PLXDC2: variants seen among roughly 807,000 people sequenced by gnomAD.
PLXDC2 encodes the protein plexin domain-containing protein 2.
A neutral mutation model predicts 68.9 loss-of-function variants in PLXDC2; 40 were observed. That is an observed-to-expected ratio of 0.58 (90% CI 0.45 to 0.76). PLXDC2 has a LOEUF of 0.76. Ranked by LOEUF, PLXDC2 falls within the 30% of genes least tolerant of loss-of-function variation. The probability of loss-of-function intolerance (pLI) is 0.00; values close to 1 mark genes in which losing one functional copy is unlikely to be tolerated. For synonymous variants in PLXDC2, 243 were observed against 234.2 expected (o/e 1.04, Z -0.34); for missense variants, 644 against 661.9 (o/e 0.97, Z 0.30).
intron 3 of PLXDC2, among the ~76,000 whole-genome samples, chr10:20,049,684 A>C (rs1179954090): frequency 6.6e-6 from 1 of 152,098 alleles, no homozygotes; most frequent in Middle Eastern, 3.2e-3. Flanking sequence ...TGAGAATTAC[A>C]AAACACTGCT....
intron 12 of PLXDC2, among the ~76,000 whole-genome samples, chr10:20,231,254 T>C (rs998521908): frequency 2.0e-5 from 3 of 149,858 alleles, no homozygotes; most frequent in Non-Finnish European, 3.0e-5. Flanking sequence ...TAAATATATA[T>C]GAATATTGAC....
intron 1 of PLXDC2, among the ~76,000 whole-genome samples, chr10:19,848,412 C>CT (rs1837053512): frequency 6.6e-6 from 1 of 152,118 alleles, no homozygotes; most frequent in African/African-American, 2.4e-5. Flanking sequence ...GAGAGGGACT[C>CT]TATCTGTTGG....
At chr10:19,818,232 G>GTGTGTA (rs1213366418) in intron 1 of PLXDC2, among the ~76,000 whole-genome samples, 17 of 55,998 alleles carry the variant, frequency 3.0e-4, no homozygotes, top group African/African-American at 8.9e-4. Flanking sequence ...TTTCTGGTGT[G>GTGTGTA]TGTGTGTGTG....
intron 2 of PLXDC2, among the ~76,000 whole-genome samples, chr10:20,011,095 A>G (rs1835105984): frequency 6.6e-6 from 1 of 152,182 alleles, no homozygotes; most frequent in Admixed American, 6.5e-5. Flanking sequence ...AGGTCTAAAT[A>G]TTTGTCTAGT....
intron 9 of PLXDC2, among the ~76,000 whole-genome samples, chr10:20,209,574 AT>A (rs1835040549): frequency 6.6e-6 from 1 of 152,010 alleles, no homozygotes; most frequent in African/African-American, 2.4e-5. Context: ...TTTGAAAGAT[AT>A]TTGCTTTTGA....
intron 4 of PLXDC2, among the ~76,000 whole-genome samples, chr10:20,092,357 T>A (rs2131731626): frequency 6.6e-6 from 1 of 152,298 alleles, no homozygotes. Flanking sequence ...CTATTGACTT[T>A]TCAAACTAAG....
chr10:19,910,165 C>CTT, intron 1 of PLXDC2, among the ~76,000 whole-genome samples: 4 of 79,062 alleles, frequency 5.1e-5, no homozygotes, highest in South Asian at 4.1e-4. Flanking sequence ...AAATTGTACA[C>CTT]TTTTATATAT....
At chr10:19,995,023 G>A (rs1005384046) in intron 1 of PLXDC2, among the ~76,000 whole-genome samples, 6 of 152,242 alleles carry the variant, frequency 3.9e-5, no homozygotes, top group African/African-American at 7.2e-5. Context: ...GATTACAGGC[G>A]TGAGCCACAG....
chr10:20,108,424 G>A (rs1482171952), intron 4 of PLXDC2, among the ~76,000 whole-genome samples: 2 of 152,100 alleles, frequency 1.3e-5, no homozygotes, highest in African/African-American at 4.8e-5. Context: ...AAAAATCAAG[G>A]CACAGAAAAC....
intron 10 of PLXDC2, among the ~76,000 whole-genome samples, chr10:20,212,615 T>C (rs778374463): frequency 3.9e-5 from 6 of 152,310 alleles, no homozygotes; most frequent in Non-Finnish European, 8.8e-5. Flanking sequence ...GCCAAAATGC[T>C]GTTTTAAAAA....
chr10:20,043,868 T>G (rs1835729473), intron 2 of PLXDC2, among the ~76,000 whole-genome samples: 1 of 152,120 alleles, frequency 6.6e-6, no homozygotes, highest in Non-Finnish European at 1.5e-5. Flanking sequence ...AAGTGGTGGC[T>G]TTGAAGAAAA....
chr10:20,014,795 G>A (rs1379585660), intron 2 of PLXDC2, among the ~76,000 whole-genome samples: 1 of 152,080 alleles, frequency 6.6e-6, no homozygotes, highest in African/African-American at 2.4e-5. Flanking sequence ...TGTTACTAAA[G>A]AGAGAATGTG....
intron 6 of PLXDC2, among the ~76,000 whole-genome samples, chr10:20,159,522 C>T (rs1294165119): frequency 2.0e-5 from 3 of 152,218 alleles, no homozygotes; most frequent in East Asian, 1.9e-4. Flanking sequence ...GTCTGGCTCC[C>T]GTTGTCCTTC....
intron 1 of PLXDC2, among the ~76,000 whole-genome samples, chr10:19,862,362 T>C (rs1041809250): frequency 6.6e-6 from 1 of 152,318 alleles, no homozygotes; most frequent in Middle Eastern, 3.4e-3. Context: ...GGAGTAACAA[T>C]TTTATGTAGC....
intron 2 of PLXDC2, among the ~76,000 whole-genome samples, chr10:20,012,441 C>T (rs1343525283): frequency 6.7e-6 from 1 of 149,218 alleles, no homozygotes; most frequent in Non-Finnish European, 1.5e-5. Context: ...ACTCAGCCTC[C>T]TGAGGAGCTG....
At chr10:20,087,253 C>T (rs140896808) in intron 4 of PLXDC2, among the ~76,000 whole-genome samples, 1 of 152,278 alleles carries the variant, frequency 6.6e-6, no homozygotes, top group East Asian at 1.9e-4. Context: ...TTTGCAGATA[C>T]CACCCTCACC....
At chr10:20,165,910 T>A (rs1834368234) in intron 7 of PLXDC2, among the ~76,000 whole-genome samples, 3 of 152,080 alleles carry the variant, frequency 2.0e-5, no homozygotes, top group Non-Finnish European at 4.4e-5. Flanking sequence ...CCAAGAACAG[T>A]CCCGAGAGAT....
chr10:20,017,404 A>T (rs143870168), intron 2 of PLXDC2, among the ~76,000 whole-genome samples: 1 of 151,896 alleles, frequency 6.6e-6, no homozygotes, highest in African/African-American at 2.4e-5. Context: ...CCATCTCTCA[A>T]CCTCCTCAGG....
Position 20,046,911 on chromosome 10 carries a change from C to G in PLXDC2, c.367C>G (p.Pro123Ala). The G allele has an allele frequency of 6.2e-7, 1 of 1,612,330 alleles. No homozygotes were observed. The highest frequency in any genetic ancestry group is 1.1e-5 in the South Asian group (1 of 90,970). ...TTACTATATATCTCGAATATATGGT[C>G]CATCTGATTCTGCCAGCCGGGATTT... ...HNYYISRIYG[P>A]SDSASRDLWV... The change falls in exon 3 of 14, where the codon CCA (proline) becomes GCA (alanine). Residue 123 changes from proline to alanine, a missense_variant. Physicochemically the swap from Pro to Ala is conservative, Grantham distance 27 (BLOSUM62 -1). Around this residue, in one of 3 missense-constraint regions of PLXDC2, gnomAD observed 201 missense variants for 166.9 expected, o/e 1.20. Transcript: ENST00000377252.
Sources: allele counts gnomAD v4.1 joint callset (sites outside exome capture counted in the v4.1 genomes callset), GRCh38; gene constraint gnomAD v4.1.1; regional missense constraint gnomAD v4.1.1; transcripts MANE v1.5; gene names NCBI Gene and HGNC (gene_info 2026-07-23, HGNC 2026-07-21).